GPR108: variants seen among roughly 807,000 people sequenced by gnomAD.
The protein encoded by GPR108 is protein GPR108.
A neutral mutation model predicts 74.3 loss-of-function variants in GPR108; 60 were observed. The observed-to-expected ratio is 0.81, with a 90% CI of 0.66 to 1.00. GPR108 has a LOEUF of 1.00. Among genes scored for constraint, GPR108 ranks in the 50% least tolerant of loss-of-function variants. The pLI, the probability that GPR108 is intolerant of heterozygous loss-of-function variation, is 0.00. For synonymous variants in GPR108, 311 were observed against 292.4 expected (o/e 1.06, Z -0.65); for missense variants, 667 against 703.3 (o/e 0.95, Z 0.58).
At position 6,733,631 on chromosome 19, in the gene GPR108, C is replaced by T. The variant is rs1968513978; in HGVS notation, c.662G>A (p.Ser221Asn). ...IGSQAEEGQY[S>N]LNFHNCNNSV... The stretch of plus-strand genomic sequence containing the variant: ...ATTGTTGCAGTTGTGGAAGTTCAGG[C>T]TGTACTGGCCTTCTTCCGCCTGAGA... Residue 221 changes from serine to asparagine, a missense_variant, in exon 8 of 18, where the codon AGC (serine) becomes AAC (asparagine). Physicochemically the swap from Ser to Asn is conservative, Grantham distance 46. Transcript: ENST00000264080. 1 of 1,614,074 alleles carries T rather than the reference C, an allele frequency of 6.2e-7. No individual in the cohort carries two copies. Among genetic ancestry groups the T allele is most frequent in the African/African-American group, 1.3e-5 (1 of 74,940 alleles).
Position 6,731,238 on chromosome 19 carries a change from C to T in GPR108, c.1395G>A (p.Leu465=). ...VYFTRIIAIL[L]QVAVPFQWQW... ...GCCACTGAAAGGGCACAGCCACCTG[C>T]AGCAGGATGGCGATGATGCGGGTGA... is the stretch of plus-strand genomic sequence containing the variant. Residue 465 remains leucine, a synonymous_variant, in exon 16 of 18, where the codon CTG becomes CTA. Transcript: ENST00000264080. The T allele has an allele frequency of 6.4e-7, 1 of 1,564,304 alleles. No individual in the cohort carries two copies.
chr19:6,735,527 C>T (rs1360890516), intron 4 of GPR108, 95 bp downstream of exon 4: 2 of 1,052,320 alleles, frequency 1.9e-6, no homozygotes, highest in African/African-American at 1.6e-5. Context: ...TCTCTCTCTG[C>T]TTCTCATCCC....
chr19:6,737,063 A>G, intron 1 of GPR108: 1 of 388,252 alleles, frequency 2.6e-6, no homozygotes. Flanking sequence ...ATTTCAACAG[A>G]ACCCCCCAAA....
At chr19:6,735,502 A>G (rs1302103960) in intron 4 of GPR108, 120 bp downstream of exon 4, 10 of 859,700 alleles carry the variant, frequency 1.2e-5, no homozygotes, top group Non-Finnish European at 1.5e-5. Context: ...GGCAAAACTA[A>G]AAAGTAAGTG....
intron 8 of GPR108, 129 bp downstream of exon 8, chr19:6,733,441 C>G (rs1281474482): frequency 7.7e-7 from 1 of 1,293,444 alleles, no homozygotes; most frequent in African/African-American, 1.5e-5. Context: ...CCCCGTCTCT[C>G]AAATGGGTAT....
rs759626923 is a variant in GPR108, at chr19:6,735,704, T to G, written c.292A>C (p.Thr98Pro). The stretch of plus-strand genomic sequence containing the variant: ...AGAGGGCAGTCCTGGAAATCCCGGG[T>G]CTGGGGGGTGGGCAGGAGGGAGTGA... ...VRSGRVRSYS[T>P]RDFQDCPLQK... is the part of the protein sequence containing the mutation. Residue 98 changes from threonine (T) to proline (P), a missense_variant and splice_region_variant, in exon 4 of 18, where the codon ACC becomes CCC. By Grantham distance (38) the Thr-to-Pro change is conservative (BLOSUM62 -1). Transcript: ENST00000264080. The G allele has an allele frequency of 1.2e-6, 2 of 1,613,446 alleles. No individual in the cohort carries two copies. The highest frequency in any genetic ancestry group is 1.7e-6 in the Non-Finnish European group (2 of 1,179,540).
At chr19:6,737,025 T>C in intron 1 of GPR108, 1 of 410,308 alleles carries the variant, frequency 2.4e-6, no homozygotes, top group South Asian at 2.9e-5. Context: ...CCGAAGAACT[T>C]TTACATTCCA....
intron 4 of GPR108, among the ~76,000 whole-genome samples, chr19:6,734,651 C>G (rs1212284506): frequency 6.6e-6 from 1 of 152,166 alleles, no homozygotes; most frequent in Non-Finnish European, 1.5e-5. Context: ...AGGCAATCCT[C>G]CCACCTCAGC....
chr19:6,734,184 G>A lies in GPR108; in HGVS notation c.498C>T (p.Gly166=), dbSNP rs766051707. ...PQATVPRKVD[G]GGTSAASKPK... is the part of the protein sequence containing the mutation. ...GTCTGCACAGCCAGCCTGACTCACCGCCATCCACCTTGCGGGGGACTGTGG... is the reference window on the plus strand; with the variant it reads ...GTCTGCACAGCCAGCCTGACTCACCACCATCCACCTTGCGGGGGACTGTGG... The change falls in exon 5 of 18, where the codon GGC becomes GGT. Residue 166 remains glycine (G), a splice_region_variant and synonymous_variant. Coordinates refer to ENST00000264080, the MANE Select transcript of GPR108 (RefSeq NM_001080452.2). 10 of 1,614,060 alleles carry A rather than the reference G, an allele frequency of 6.2e-6. No individual in the cohort carries two copies. Among genetic ancestry groups the A allele is most frequent in the East Asian group, 2.2e-5 (1 of 44,900 alleles).
At position 6,733,016 on chromosome 19, in the gene GPR108, T is replaced by C; in HGVS notation, c.904A>G (p.Thr302Ala). 6.2e-7 allele frequency: 1 copy of C among 1,608,862 alleles called. No homozygotes were observed. Residue 302 changes from threonine to alanine, a missense_variant, in exon 10 of 18, where the codon ACC (threonine) becomes GCC (alanine). Physicochemically the swap from Thr to Ala is moderately conservative, Grantham distance 58 (BLOSUM62 0). Transcript: ENST00000264080. ...IHWLMAALAF[T>A]KSISLLFHSI... ...TGGAAGAGGAGAGAGATGCTCTTGG[T>C]GAAGGCCAAGGCCGCCATGAGCCAG...
chr19:6,735,538 A>T, intron 4 of GPR108, 84 bp downstream of exon 4: 2 of 1,173,634 alleles, frequency 1.7e-6, no homozygotes, highest in Non-Finnish European at 2.5e-6. Flanking sequence ...TTCTCATCCC[A>T]CCTGATCAGC....
chr19:6,731,566 G>T (rs1346249006), intron 14 of GPR108, 44 bp from the exon 15 acceptor site: 5 of 901,066 alleles, frequency 5.5e-6, no homozygotes, highest in African/African-American at 1.7e-5. Flanking sequence ...GACTGAGGGT[G>T]GGAGGGAGGG....
rs139348331 is a variant in GPR108 at position 6,734,221 on chromosome 19, G to A, written c.461C>T (p.Pro154Leu). The A allele has an allele frequency of 6.0e-3, 9,738 of 1,614,190 alleles. 45 individuals are homozygous for A. Among genetic ancestry groups the A allele is most frequent in the Non-Finnish European group, 7.2e-3 (8,450 of 1,180,042 alleles). The change falls in exon 5 of 18, where the codon CCG becomes CTG. Residue 154 changes from proline (P) to leucine (L), a missense_variant. Transcript: ENST00000264080. ...LPEAPSKPGL[P>L]KPQATVPRKV... ...GCGGGGGACTGTGGCCTGTGGCTTC[G>A]GGAGCCCTGGTTTGGAGGGTGCTTC...
chr19:6,735,793 C>T lies in GPR108; in HGVS notation c.292-89G>A, dbSNP rs181150256. The T allele has an allele frequency of 4.4e-4, 668 of 1,526,104 alleles. 5 individuals carry two copies. The East Asian group carries it at 0.011, about 25-fold the overall frequency. The allele number at this position is 1,526,104 out of a possible 1,614,324, so 94.5% of individuals were successfully genotyped here. ...CTCCCTCCCTGTCCACCCACGGGAT[C>T]TTCCTGCTCCTGCCTCTGACAAAGA... On this transcript the variant is annotated intron_variant, in intron 3 of 17. Coordinates refer to ENST00000264080, the MANE Select transcript of GPR108 (RefSeq NM_001080452.2).
In GPR108 at chr19:6,731,070, C is replaced by T; in HGVS notation, c.1476G>A (p.Thr492=). 19 of 1,613,612 alleles carry T rather than the reference C, an allele frequency of 1.2e-5. No homozygotes were observed. The highest frequency in any genetic ancestry group is 1.6e-5 in the Non-Finnish European group (19 of 1,179,880). Residue 492 remains threonine (T), a synonymous_variant, in exon 17 of 18, where the codon ACG becomes ACA. Coordinates refer to ENST00000264080, the MANE Select transcript of GPR108 (RefSeq NM_001080452.2). ...EGSTLAFFVL[T]GYKFQPTGNN... The stretch of plus-strand genomic sequence containing the variant: ...TTCCTGTGGGCTGGAACTTGTAGCC[C>T]GTGAGCACGAAGAAGGCCAGGGTGG...
intron 11 of GPR108, 33 bp downstream of exon 11, chr19:6,732,443 C>T (rs1460027102): frequency 6.2e-7 from 1 of 1,612,574 alleles, no homozygotes; most frequent in Non-Finnish European, 8.5e-7. Context: ...GCCTGCCTCC[C>T]CCCAGCTGCC....
intron 3 of GPR108, 50 bp from the exon 4 acceptor site, chr19:6,735,754 C>T: frequency 6.3e-7 from 1 of 1,579,278 alleles, no homozygotes; most frequent in Non-Finnish European, 8.7e-7. Context: ...TCTCCTGGTC[C>T]AGCTCCACCC....
chr19:6,731,161 G>A lies in GPR108; in HGVS notation c.1434+38C>T, dbSNP rs59685845. 1.8e-3 allele frequency: 2,928 copies of A among 1,607,426 alleles called. 48 individuals carry two copies. In the African/African-American group the frequency reaches 0.034, roughly 19 times the overall value. ...CGTCAGGCGCACCCCCACCCCCACC[G>A]TGGCCGCCCTCCCGTCCCACCTGGG... is the stretch of plus-strand genomic sequence containing the variant. On this transcript the variant is annotated intron_variant, in intron 16 of 17. Transcript: ENST00000264080.
Position 6,737,445 on chromosome 19 carries a change from G to A in GPR108, c.120+12C>T. On this transcript the variant is annotated intron_variant, in intron 1 of 17. Transcript: ENST00000264080. ...CGCCACCGACCCCAGACCCTCGCGC[G>A]GCGGGCCTCACCGTCAGCGCCAGCT... 2.5e-6 allele frequency: 4 copies of A among 1,585,134 alleles called. No homozygotes were observed. Among genetic ancestry groups the A allele is most frequent in the African/African-American group, 1.4e-5 (1 of 73,014 alleles).
Sources: allele counts gnomAD v4.1 joint callset (sites outside exome capture counted in the v4.1 genomes callset), GRCh38; gene constraint gnomAD v4.1.1; transcripts MANE v1.5; gene names NCBI Gene and HGNC (gene_info 2026-07-23, HGNC 2026-07-21).